The following B3GALT1 variants were observed in gnomAD, a reference collection of about 807,000 sequenced individuals.
B3GALT1 encodes UDP-Gal:betaGlcNAc beta 1,3-galactosyltransferase, polypeptide 1.
Under a neutral mutation model 23.2 loss-of-function variants are expected in B3GALT1, and 10 were observed. The observed-to-expected ratio is 0.43, with a 90% CI of 0.27 to 0.73. The LOEUF (loss-of-function observed/expected upper bound fraction) is 0.73, where lower values mean the gene tolerates loss of function less well. B3GALT1 is among the 30% of genes least tolerant of loss of function. The pLI, the probability that B3GALT1 is intolerant of heterozygous loss-of-function variation, is 0.21. For synonymous variants in B3GALT1, 156 were observed against 141.5 expected (o/e 1.10, Z -0.73); for missense variants, 299 against 405.4 (o/e 0.74, Z 2.25).
rs182917683 is a variant in B3GALT1, at chr2:167,707,614, C to T, written c.-352+60648C>T. Among the ~76,000 whole-genome samples, 11 of 152,164 alleles carry T rather than the reference C, an allele frequency of 7.2e-5. No homozygotes were observed. The East Asian group carries it at 2.1e-3, about 29-fold the overall frequency. The stretch of plus-strand genomic sequence containing the variant: ...GGAGTCCTTCTCTCACAAGACATTG[C>T]TTCTGCCTCTCACTTCCACTTTGAA... On this transcript the variant is annotated intron_variant, in intron 3 of 4. Transcript: ENST00000392690.
At chr2:167,797,096 A>T (rs1479197812) in intron 3 of B3GALT1, among the ~76,000 whole-genome samples, 1 of 152,130 alleles carries the variant, frequency 6.6e-6, no homozygotes, top group Non-Finnish European at 1.5e-5. Context: ...TAAGCCCAGC[A>T]TCCATTAGCT....
chr2:167,665,804 G>A lies in B3GALT1; in HGVS notation c.-352+18838G>A, dbSNP rs190160682. Reference sequence around the variant, plus strand: ...AGTTTGTATTTCCGTGGGATCGGTGGTGATATCCTCTTTATCATTTTTATT... The same window carrying A: ...AGTTTGTATTTCCGTGGGATCGGTGATGATATCCTCTTTATCATTTTTATT... On this transcript the variant is annotated intron_variant, in intron 3 of 4. Transcript: ENST00000392690. 2.3e-4 allele frequency among the ~76,000 whole-genome samples: 35 copies of A among 152,258 alleles called. No individual in the cohort carries two copies. In the East Asian group the frequency reaches 6.8e-3, roughly 29 times the overall value.
chr2:167,565,244 G>C lies in B3GALT1; in HGVS notation c.-410+74967G>C, dbSNP rs561454587. 7.2e-3 allele frequency among the ~76,000 whole-genome samples: 1,101 copies of C among 152,226 alleles called. 11 individuals carry two copies. The highest frequency in any genetic ancestry group is 6.9e-3 in the Admixed American group (105 of 15,298). On this transcript the variant is annotated intron_variant, in intron 2 of 4. Coordinates refer to ENST00000392690, the MANE Select transcript of B3GALT1 (RefSeq NM_020981.4). ...TGATCTTTGACAAACCTGAGAAAAA[G>C]AAGCAATGGGGAAAGGATTCCCTAT...
At chr2:167,488,876 A>T (rs1172910882) in intron 1 of B3GALT1, among the ~76,000 whole-genome samples, 2 of 151,804 alleles carry the variant, frequency 1.3e-5, no homozygotes, top group African/African-American at 4.8e-5. Flanking sequence ...CAACTTTAAG[A>T]TTTTTCGATT....
intron 1 of B3GALT1, among the ~76,000 whole-genome samples, chr2:167,352,737 AAAC>A (rs1697337269): frequency 5.8e-4 from 4 of 6,844 alleles, no homozygotes; most frequent in African/African-American, 8.5e-4. Context: ...AAAAAAAAAC[AAAC>A]AAACTGTACC....
At chr2:167,406,376 C>T (rs1698275907) in intron 1 of B3GALT1, among the ~76,000 whole-genome samples, 1 of 152,062 alleles carries the variant, frequency 6.6e-6, no homozygotes, top group Non-Finnish European at 1.5e-5. Flanking sequence ...TTTTCACCAG[C>T]AACAACCCAG....
At chr2:167,665,923 T>A (rs1000176766) in intron 3 of B3GALT1, among the ~76,000 whole-genome samples, 25 of 152,306 alleles carry the variant, frequency 1.6e-4, no homozygotes, top group African/African-American at 5.3e-4. Flanking sequence ...GCTCCTGGAT[T>A]CATTAATTTT....
chr2:167,830,633 G>A (rs781414580), intron 4 of B3GALT1, among the ~76,000 whole-genome samples: 1 of 152,124 alleles, frequency 6.6e-6, no homozygotes, highest in Non-Finnish European at 1.5e-5. Flanking sequence ...TTCCTCTGTT[G>A]CACAAAAAAC....
At chr2:167,470,318 G>C (rs1699405406) in intron 1 of B3GALT1, among the ~76,000 whole-genome samples, 1 of 151,616 alleles carries the variant, frequency 6.6e-6, no homozygotes, top group African/African-American at 2.4e-5. Flanking sequence ...CATTTTCCTG[G>C]GTTTAGCAAT....
chr2:167,512,607 TG>T (rs1700035561), intron 2 of B3GALT1, among the ~76,000 whole-genome samples: 1 of 80,270 alleles, frequency 1.2e-5, no homozygotes, highest in Non-Finnish European at 2.2e-5. Context: ...TATATATATA[TG>T]TATATATATA....
At chr2:167,777,700 CCT>C (rs1688183922) in intron 3 of B3GALT1, among the ~76,000 whole-genome samples, 2 of 152,126 alleles carry the variant, frequency 1.3e-5, no homozygotes, top group Admixed American at 6.6e-5. Context: ...TTGTCAATCC[CCT>C]GAGACCAAAT....
At chr2:167,346,428 C>A (rs1697222156) in intron 1 of B3GALT1, among the ~76,000 whole-genome samples, 1 of 152,090 alleles carries the variant, frequency 6.6e-6, no homozygotes, top group South Asian at 2.1e-4. Context: ...TTCTCCCAGC[C>A]TTAAGTATCA....
At chr2:167,410,090 G>C (rs1333906815) in intron 1 of B3GALT1, among the ~76,000 whole-genome samples, 1 of 152,156 alleles carries the variant, frequency 6.6e-6, no homozygotes, top group African/African-American at 2.4e-5. Context: ...GGAATACTAT[G>C]CAGCCATAAC....
chr2:167,759,239 G>A (rs914822766), intron 3 of B3GALT1, among the ~76,000 whole-genome samples: 1 of 152,136 alleles, frequency 6.6e-6, no homozygotes, highest in Non-Finnish European at 1.5e-5. Flanking sequence ...AAGAGTGTGG[G>A]CCACTGAACA....
chr2:167,867,668 T>C (rs1351430214), intron 4 of B3GALT1, among the ~76,000 whole-genome samples: 2 of 152,242 alleles, frequency 1.3e-5, no homozygotes, highest in East Asian at 3.8e-4. Context: ...TCTGTACATG[T>C]AAGCACATGG....
rs147732938 is a variant in B3GALT1, at chr2:167,714,566, T to C, written c.-352+67600T>C. 1,020 of 1,613,532 alleles carry C rather than the reference T, an allele frequency of 6.3e-4. 3 individuals are homozygous for C. In the African/African-American group the frequency reaches 0.012, roughly 19 times the overall value. On this transcript the variant is annotated intron_variant, in intron 3 of 4. Coordinates refer to ENST00000392690, the MANE Select transcript of B3GALT1 (RefSeq NM_020981.4). ...TGAAACATCAAGTGCATTAGGATCT[T>C]TTTCTAAAAGTTCAGATTTAAACTC...
chr2:167,563,057 A>G (rs1245402728), intron 2 of B3GALT1, among the ~76,000 whole-genome samples: 1 of 151,948 alleles, frequency 6.6e-6, no homozygotes, highest in Non-Finnish European at 1.5e-5. Flanking sequence ...CCCTTTCCAC[A>G]CAGACACGGC....
chr2:167,310,531 T>C (rs1003740378), intron 1 of B3GALT1, among the ~76,000 whole-genome samples: 1 of 151,884 alleles, frequency 6.6e-6, no homozygotes, highest in African/African-American at 2.4e-5. Flanking sequence ...CAGGCAGGGT[T>C]TTTGGGGAAG....
At chr2:167,711,001 C>T (rs1281912531) in intron 3 of B3GALT1, among the ~76,000 whole-genome samples, 2 of 152,252 alleles carry the variant, frequency 1.3e-5, no homozygotes, top group Admixed American at 6.5e-5. Flanking sequence ...CCAAATGCCT[C>T]ACTCTGCCTA....
Sources: allele counts gnomAD v4.1 joint callset (sites outside exome capture counted in the v4.1 genomes callset), GRCh38; gene constraint gnomAD v4.1.1; transcripts MANE v1.5; gene names NCBI Gene and HGNC (gene_info 2026-07-23, HGNC 2026-07-21).